Variants in FLRT1 observed in about 807,000 individuals in gnomAD.
The protein encoded by FLRT1 is leucine-rich repeat transmembrane protein FLRT1.
Under a neutral mutation model 30.9 loss-of-function variants are expected in FLRT1, and 14 were observed. The observed-to-expected ratio is 0.45, with a 90% CI of 0.30 to 0.71. The LOEUF (loss-of-function observed/expected upper bound fraction) is 0.71. FLRT1 is among the 30% of genes least tolerant of loss of function. FLRT1 has a pLI of 0.08. For missense variants in FLRT1, 737 were observed against 949.2 expected, an observed-to-expected ratio of 0.78 and a Z score of 2.94; for synonymous variants, 368 against 430.4, an observed-to-expected ratio of 0.85 and a Z score of 1.80.
Position 64,117,446 on chromosome 11 carries a change from G to C in FLRT1, c.1179G>C (p.Lys393Asn), listed in dbSNP as rs747777424. The C allele has an allele frequency of 6.2e-7, 1 of 1,613,104 alleles. No homozygotes were observed. Residue 393 changes from lysine to asparagine, a missense_variant, in exon 3 of 3, where the codon AAG becomes AAC. Physicochemically the swap from Lys to Asn is moderately conservative, Grantham distance 94 (BLOSUM62 0). Coordinates refer to ENST00000682287, the MANE Select transcript of FLRT1 (RefSeq NM_013280.5). ...PQGGVANAAA[K>N]TTASNHASAT... ...GCGGCGTGGCCAATGCGGCTGCCAA[G>C]ACCACGGCCAGCAACCACGCCTCTG...
intron 1 of FLRT1, among the ~76,000 whole-genome samples, chr11:64,081,452 G>A (rs1244059813): frequency 6.6e-6 from 1 of 152,228 alleles, no homozygotes; most frequent in Non-Finnish European, 1.5e-5. Flanking sequence ...CCCTCATACA[G>A]GGATTGGCAG....
At chr11:64,092,160 G>A (rs1944502444) in intron 1 of FLRT1, among the ~76,000 whole-genome samples, 1 of 152,188 alleles carries the variant, frequency 6.6e-6, no homozygotes, top group Non-Finnish European at 1.5e-5. Flanking sequence ...ATCCCGAGTG[G>A]GTGGAGTCAC....
chr11:64,087,791 G>A (rs778772730), intron 1 of FLRT1, among the ~76,000 whole-genome samples: 12 of 152,222 alleles, frequency 7.9e-5, no homozygotes, highest in African/African-American at 2.2e-4. Context: ...GAGGCTGGAC[G>A]CCTGCCCAGG....
At chr11:64,059,965 C>A (rs1217082613) in intron 1 of FLRT1, among the ~76,000 whole-genome samples, 1 of 152,132 alleles carries the variant, frequency 6.6e-6, no homozygotes, top group Non-Finnish European at 1.5e-5. Flanking sequence ...GGGGCCGGGG[C>A]ACCCTGTGGT....
chr11:64,057,124 C>G (rs1034004051), intron 1 of FLRT1, among the ~76,000 whole-genome samples: 7 of 152,238 alleles, frequency 4.6e-5, no homozygotes, highest in African/African-American at 1.7e-4. Context: ...CATCGGCTCC[C>G]TAAGTGCTTG....
rs202054903 is a variant in FLRT1, at chr11:64,118,913, A to G, written c.*621A>G. ...CATCTTTCACTGCATTCTTTGAACAATCATGTAGTCGATTAAAAAAAAAAA... is the reference window on the plus strand; with the variant it reads ...CATCTTTCACTGCATTCTTTGAACAGTCATGTAGTCGATTAAAAAAAAAAA... On this transcript the variant is annotated 3_prime_UTR_variant, in exon 3 of 3. Coordinates refer to ENST00000682287, the MANE Select transcript of FLRT1 (RefSeq NM_013280.5). 194 of 166,906 alleles carry G rather than the reference A, an allele frequency of 1.2e-3. 1 individual carries two copies. The South Asian group carries it at 0.026, about 22-fold the overall frequency. The allele number at this position is 166,906 out of a possible 1,614,324, so 10.3% of individuals were successfully genotyped here.
chr11:64,086,813 C>G (rs1944403906), intron 1 of FLRT1: 1 of 152,356 alleles, frequency 6.6e-6, no homozygotes, highest in South Asian at 2.1e-4. Context: ...GCTCCTCCAA[C>G]TAGCCCGTGA....
At chr11:64,105,329 GT>G (rs1050417684) in intron 2 of FLRT1, among the ~76,000 whole-genome samples, 4 of 152,214 alleles carry the variant, frequency 2.6e-5, no homozygotes, top group African/African-American at 9.6e-5. Flanking sequence ...AGCAGCTGCT[GT>G]CCCCCAGGCC....
In FLRT1 at chr11:64,117,245, G is replaced by C. The variant is rs762388485; in HGVS notation, c.978G>C (p.Arg326Ser). ...DLGNLAQLLL[R>S]NNPWFCGCNL... ...GGAACCTGGCCCAGCTGCTGCTCAG[G>C]AACAACCCTTGGTTTTGTGGCTGCA... The change falls in exon 3 of 3, where the codon AGG (arginine) becomes AGC (serine). Residue 326 changes from arginine (R) to serine (S), a missense_variant. By Grantham distance (110) the Arg-to-Ser change is moderately radical. Transcript: ENST00000682287. The C allele has an allele frequency of 1.9e-6, 3 of 1,614,186 alleles. No individual in the cohort carries two copies. The highest frequency in any genetic ancestry group is 4.5e-5 in the East Asian group (2 of 44,880).
intron 1 of FLRT1, among the ~76,000 whole-genome samples, chr11:64,078,586 C>T (rs748009943): frequency 2.0e-5 from 3 of 152,146 alleles, no homozygotes; most frequent in Non-Finnish European, 4.4e-5. Context: ...CCCACAGGGT[C>T]CCATGGGGGG....
Position 64,118,757 on chromosome 11 carries a change from C to G in FLRT1, c.*465C>G, listed in dbSNP as rs931981027. 1 of 168,690 alleles carries G rather than the reference C, an allele frequency of 5.9e-6. No individual in the cohort carries two copies. The highest frequency in any genetic ancestry group is 1.4e-5 in the Non-Finnish European group (1 of 69,366). The allele number at this position is 168,690 out of a possible 1,614,324, so 10.4% of individuals were successfully genotyped here. A position where few individuals can be genotyped will look rare whatever the true frequency, so the allele number is the denominator to read the frequency against. On this transcript the variant is annotated 3_prime_UTR_variant, in exon 3 of 3. Coordinates refer to ENST00000682287, the MANE Select transcript of FLRT1 (RefSeq NM_013280.5). The stretch of plus-strand genomic sequence containing the variant: ...CGCCACTGGCCACTCGCTGGCGACC[C>G]GATGGAAGGTTTTCAGGCTCCTCAC...
chr11:64,096,535 C>G lies in FLRT1; in HGVS notation c.-1037-6659C>G, dbSNP rs1272832082. Among the ~76,000 whole-genome samples, 2 of 152,044 alleles carry G rather than the reference C, an allele frequency of 1.3e-5. No homozygotes were observed. Among genetic ancestry groups the G allele is most frequent in the Non-Finnish European group, 2.9e-5 (2 of 68,006 alleles). On this transcript the variant is annotated intron_variant, in intron 1 of 2. Coordinates refer to ENST00000682287, the MANE Select transcript of FLRT1 (RefSeq NM_013280.5). This position sits in a 1 kb window ranked among gnomAD's most constrained non-coding sequence, Gnocchi z 4.6. ...GGTTCAAGCAATTCTCTTGCCTCAGCCCACCGAGTAGCTGGGATTACAGGC... is the reference window on the plus strand; with the variant it reads ...GGTTCAAGCAATTCTCTTGCCTCAGGCCACCGAGTAGCTGGGATTACAGGC...
chr11:64,068,306 C>G (rs559085535), intron 1 of FLRT1, among the ~76,000 whole-genome samples: 20 of 152,362 alleles, frequency 1.3e-4, no homozygotes, highest in Non-Finnish European at 2.8e-4. Flanking sequence ...CCAGCACCCG[C>G]CTGTCCCACT....
intron 2 of FLRT1, among the ~76,000 whole-genome samples, chr11:64,105,547 C>T (rs915354052): frequency 2.6e-5 from 4 of 152,174 alleles, no homozygotes; most frequent in African/African-American, 9.7e-5. Context: ...CTGGAGAGAG[C>T]ATTCTATGAC....
At chr11:64,083,916 C>T (rs991705620) in intron 1 of FLRT1, among the ~76,000 whole-genome samples, 4 of 152,312 alleles carry the variant, frequency 2.6e-5, no homozygotes, top group East Asian at 1.9e-4. Flanking sequence ...CGGCCGGCCC[C>T]GTGGGCAGGG....
At chr11:64,079,984 T>C (rs1023674146) in intron 1 of FLRT1, among the ~76,000 whole-genome samples, 1 of 152,182 alleles carries the variant, frequency 6.6e-6, no homozygotes, top group African/African-American at 2.4e-5. Context: ...CTTGAGACCT[T>C]GAACAAGTTG....
intron 1 of FLRT1, among the ~76,000 whole-genome samples, chr11:64,072,779 G>C (rs1334433047): frequency 1.3e-5 from 2 of 152,238 alleles, no homozygotes; most frequent in East Asian, 3.8e-4. Context: ...GTTGATCTCT[G>C]TCTTGCTTTG....
intron 1 of FLRT1, among the ~76,000 whole-genome samples, chr11:64,050,200 C>A (rs1047395827): frequency 1.3e-5 from 2 of 152,122 alleles, no homozygotes; most frequent in African/African-American, 4.8e-5. Context: ...CCTCCCTAGA[C>A]CCCAGCCTGG....
Position 64,117,422 on chromosome 11 carries a change from C to T in FLRT1, c.1155C>T (p.Gly385=), listed in dbSNP as rs141342857. 5.3e-5 allele frequency: 86 copies of T among 1,612,194 alleles called. No homozygotes were observed. The highest frequency in any genetic ancestry group is 2.7e-4 in the Admixed American group (16 of 59,954). The part of the protein sequence containing the change: ...MDECFETGPQ[G]GVANAAAKTT... The stretch of plus-strand genomic sequence containing the variant: ...AGTGTTTTGAGACGGGGCCGCAGGG[C>T]GGCGTGGCCAATGCGGCTGCCAAGA... Residue 385 remains glycine, a synonymous_variant, in exon 3 of 3, where the codon GGC becomes GGT. Transcript: ENST00000682287.
Sources: gnomAD v4.1 joint callset for allele counts (sites outside exome capture counted in the v4.1 genomes callset) on GRCh38, gnomAD v4.1.1 for gene constraint, Gnocchi (gnomAD v3.1) non-coding constraint, MANE v1.5 for transcripts, NCBI Gene and HGNC (gene_info 2026-07-23, HGNC 2026-07-21) for gene names.